Variants in TBC1D16 observed in about 807,000 individuals in gnomAD.
TBC1D16 encodes the protein TBC1 domain family member 16.
A neutral mutation model predicts 74.7 loss-of-function variants in TBC1D16; 58 were observed. The ratio of observed to expected loss-of-function variants is 0.78; its 90% CI spans 0.63 to 0.97. The LOEUF (loss-of-function observed/expected upper bound fraction) is 0.97, where lower values mean the gene tolerates loss of function less well. TBC1D16 is among the 50% of genes least tolerant of loss of function. TBC1D16 has a pLI of 0.00. For missense variants in TBC1D16, 1,014 were observed against 1,079.5 expected (o/e 0.94, Z 0.85); for synonymous variants, 493 against 474.7 (o/e 1.04, Z -0.50).
At chr17:79,989,412 C>T (rs2034976834) in intron 3 of TBC1D16, among the ~76,000 whole-genome samples, 1 of 152,246 alleles carries the variant, frequency 6.6e-6, no homozygotes, top group Admixed American at 6.5e-5. Context: ...TTGATCGGGC[C>T]CTTTTCCACT....
intron 1 of TBC1D16, among the ~76,000 whole-genome samples, chr17:80,028,227 A>G (rs1032688429): frequency 6.6e-6 from 1 of 152,108 alleles, no homozygotes; most frequent in Non-Finnish European, 1.5e-5. Context: ...AGTGTACAAA[A>G]AAAAGAAAAG....
At chr17:79,984,570 G>GAGAGAGAGAA (rs1568611594) in intron 3 of TBC1D16, among the ~76,000 whole-genome samples, 1 of 137,630 alleles carries the variant, frequency 7.3e-6, no homozygotes, top group Non-Finnish European at 1.6e-5. Context: ...AAGAGAGAGA[G>GAGAGAGAGAA]AGAAAGAAAG....
chr17:79,967,143 A>G (rs1344502436), intron 3 of TBC1D16, among the ~76,000 whole-genome samples: 2 of 152,244 alleles, frequency 1.3e-5, no homozygotes, highest in Non-Finnish European at 2.9e-5. Context: ...TTTCCCCCAT[A>G]TAACTGGGAC....
chr17:79,985,647 T>G lies in TBC1D16; in HGVS notation c.779+24513A>C, dbSNP rs2034807098. Among the ~76,000 whole-genome samples the G allele has an allele frequency of 6.6e-6, 1 of 152,186 alleles. No homozygotes were observed. The highest frequency in any genetic ancestry group is 6.5e-5 in the Admixed American group (1 of 15,284). ...CCATCCGGTGGCAGCCATTCCGCAT[T>G]GATCTCCATTTGCTTTTCAAACATG... is the stretch of plus-strand genomic sequence containing the variant. On this transcript the variant is annotated intron_variant, in intron 3 of 11. Transcript: ENST00000310924. This position sits in a 1 kb window ranked among gnomAD's most constrained non-coding sequence, Gnocchi z 4.9.
At chr17:80,005,391 C>A (rs758501456) in intron 3 of TBC1D16, among the ~76,000 whole-genome samples, 33 of 152,352 alleles carry the variant, frequency 2.2e-4, no homozygotes, top group Non-Finnish European at 4.3e-4. Context: ...TTATTCCACA[C>A]CCTCGCCCAA....
At chr17:79,949,570 A>G (rs2032863864) in intron 7 of TBC1D16, 147 bp downstream of exon 7, 3 of 993,882 alleles carry the variant, frequency 3.0e-6, no homozygotes, top group Non-Finnish European at 4.5e-6. Flanking sequence ...CCACCCTATC[A>G]CTCACGTTCC....
In TBC1D16 at chr17:80,035,817, G is replaced by C. The variant is rs1372592895; in HGVS notation, c.-85C>G. Reference sequence around the variant, plus strand: ...CACCCGGGTCCCGCTGCGGGGGCCGGATTCGCGCCGGCTCCGAGAGCCGCC... The same window carrying C: ...CACCCGGGTCCCGCTGCGGGGGCCGCATTCGCGCCGGCTCCGAGAGCCGCC... On this transcript the variant is annotated 5_prime_UTR_variant, in exon 1 of 12. The change creates a new upstream start codon in the 5' untranslated region. Coordinates refer to ENST00000310924, the MANE Select transcript of TBC1D16 (RefSeq NM_019020.4). This position sits in a 1 kb window ranked among gnomAD's most constrained non-coding sequence, Gnocchi z 5.3. The C allele has an allele frequency of 6.8e-6, 1 of 146,544 alleles. No homozygotes were observed. The highest frequency in any genetic ancestry group is 1.5e-5 in the Non-Finnish European group (1 of 65,864). 9.1% of individuals were successfully genotyped at this position (146,544 alleles called of 1,614,324 possible).
intron 2 of TBC1D16, 53 bp downstream of exon 2, chr17:80,013,314 T>A: frequency 6.5e-7 from 1 of 1,526,968 alleles, no homozygotes; most frequent in Non-Finnish European, 8.8e-7. Flanking sequence ...GAGCCCTGGC[T>A]CGGAAAATAA....
intron 3 of TBC1D16, among the ~76,000 whole-genome samples, chr17:79,977,869 C>G (rs887437212): frequency 6.6e-6 from 1 of 152,218 alleles, no homozygotes; most frequent in Non-Finnish European, 1.5e-5. Flanking sequence ...GCGATTGATG[C>G]GGCTGCCAGT....
intron 3 of TBC1D16, among the ~76,000 whole-genome samples, chr17:79,962,893 C>G (rs892575737): frequency 6.6e-6 from 1 of 152,104 alleles, no homozygotes; most frequent in African/African-American, 2.4e-5. Context: ...GAAACCCCAT[C>G]TCTACTAAAA....
At chr17:79,967,697 G>A (rs1043393636) in intron 3 of TBC1D16, among the ~76,000 whole-genome samples, 1 of 152,150 alleles carries the variant, frequency 6.6e-6, no homozygotes, top group Non-Finnish European at 1.5e-5. Context: ...ATTCAACACA[G>A]TTCCTATCAA....
At position 79,981,695 on chromosome 17, in the gene TBC1D16, G is replaced by A. The variant is rs1401524481; in HGVS notation, c.779+28465C>T. Among the ~76,000 whole-genome samples, 1 of 152,234 alleles carries A rather than the reference G, an allele frequency of 6.6e-6. No homozygotes were observed. Among genetic ancestry groups the A allele is most frequent in the East Asian group, 1.9e-4 (1 of 5,200 alleles). On this transcript the variant is annotated intron_variant, in intron 3 of 11. Transcript: ENST00000310924. This position sits in a 1 kb window ranked among gnomAD's most constrained non-coding sequence, Gnocchi z 6.9. ...AGTCAAAGAAGCACCTCCCACACCG[G>A]AGGCAAGGGACGCGCCACCCTCGGA... is the stretch of plus-strand genomic sequence containing the variant.
rs923024376 is a variant in TBC1D16, at chr17:79,947,929, G to T, written c.1542-98C>A. On this transcript the variant is annotated intron_variant, in intron 8 of 11. Transcript: ENST00000310924. ...TGGGCCGTGGACCCTGCCTTCCCTCGCTTGCCTTCACCTCAGTGGAAGGCA... is the reference window on the plus strand; with the variant it reads ...TGGGCCGTGGACCCTGCCTTCCCTCTCTTGCCTTCACCTCAGTGGAAGGCA... 7.8e-6 allele frequency: 8 copies of T among 1,031,454 alleles called. No homozygotes were observed. In the African/African-American group the frequency reaches 1.1e-4, roughly 14 times the overall value. The allele number at this position is 1,031,454 out of a possible 1,614,324, so 63.9% of individuals were successfully genotyped here.
Position 79,947,760 on chromosome 17 carries a change from G to A in TBC1D16, c.1613C>T (p.Ala538Val), listed in dbSNP as rs933176246. ...ATCCAGGACCTCGGCCAAGATGGGCGCCACCAGGTCCGACATCCCTTGGGA... is the reference window on the plus strand; with the variant it reads ...ATCCAGGACCTCGGCCAAGATGGGCACCACCAGGTCCGACATCCCTTGGGA... ...GYSQGMSDLV[A>V]PILAEVLDES... The change falls in exon 9 of 12, where the codon GCG becomes GTG. Residue 538 changes from alanine (A) to valine (V), a missense_variant. Physicochemically the swap from Ala to Val is moderately conservative, Grantham distance 64 (BLOSUM62 0). Coordinates refer to ENST00000310924, the MANE Select transcript of TBC1D16 (RefSeq NM_019020.4). The A allele has an allele frequency of 6.8e-6, 11 of 1,613,854 alleles. No homozygotes were observed. The highest frequency in any genetic ancestry group is 1.6e-4 in the Middle Eastern group (1 of 6,084).
intron 9 of TBC1D16, among the ~76,000 whole-genome samples, chr17:79,945,356 G>A (rs929720495): frequency 2.6e-5 from 4 of 152,188 alleles, no homozygotes; most frequent in Non-Finnish European, 1.5e-5. Context: ...GTGCCCGGGC[G>A]TGGCAGGACG....
chr17:79,963,198 C>T (rs541658854), intron 3 of TBC1D16, among the ~76,000 whole-genome samples: 5 of 147,826 alleles, frequency 3.4e-5, no homozygotes, highest in Non-Finnish European at 7.4e-5. Flanking sequence ...GCCTGGGTGA[C>T]AGAGTGGGAC....
At chr17:80,027,847 GCAC>G (rs2036634020) in intron 1 of TBC1D16, among the ~76,000 whole-genome samples, 1 of 135,198 alleles carries the variant, frequency 7.4e-6, no homozygotes, top group Non-Finnish European at 1.5e-5. Flanking sequence ...AGCTGAGATC[GCAC>G]CACTGCACTC....
Position 79,986,950 on chromosome 17 carries a change from C to T in TBC1D16, c.779+23210G>A, listed in dbSNP as rs763143321. On this transcript the variant is annotated intron_variant, in intron 3 of 11. Transcript: ENST00000310924. This position sits in a 1 kb window ranked among gnomAD's most constrained non-coding sequence, Gnocchi z 6.0. ...TGCTGTGTTTACTTGGCTCCCTTCC[C>T]GGGATGGCCTTGTAGCAAATCCATC... 2.0e-5 allele frequency among the ~76,000 whole-genome samples: 3 copies of T among 152,246 alleles called. No homozygotes were observed. The highest frequency in any genetic ancestry group is 4.4e-5 in the Non-Finnish European group (3 of 68,044).
At chr17:79,996,274 A>G (rs944849712) in intron 3 of TBC1D16, among the ~76,000 whole-genome samples, 1 of 152,358 alleles carries the variant, frequency 6.6e-6, no homozygotes, top group African/African-American at 2.4e-5. Context: ...GGTTGTCCCC[A>G]TAAGCCTTTC....
Sources: gnomAD v4.1 joint callset for allele counts (sites outside exome capture counted in the v4.1 genomes callset) on GRCh38, gnomAD v4.1.1 for gene constraint, Gnocchi (gnomAD v3.1) non-coding constraint, MANE v1.5 for transcripts, NCBI Gene and HGNC (gene_info 2026-07-23, HGNC 2026-07-21) for gene names.